The following CCDC158 variants were observed in gnomAD, a reference collection of about 807,000 sequenced individuals.
CCDC158 encodes the protein coiled-coil domain containing 158, also known as coiled-coil domain-containing protein 158.
A neutral mutation model predicts 138.6 loss-of-function variants in CCDC158; 116 were observed. The observed-to-expected ratio is 0.84, with a 90% CI of 0.72 to 0.98. The LOEUF (loss-of-function observed/expected upper bound fraction) is 0.98. CCDC158 is among the 50% of genes least tolerant of loss of function. The pLI is 0.00. For synonymous variants in CCDC158, 436 were observed against 442.4 expected (o/e 0.99, Z 0.18); for missense variants, 1,265 against 1,306.1 (o/e 0.97, Z 0.48).
chr4:76,348,339 G>T (rs910226179), intron 18 of CCDC158, among the ~76,000 whole-genome samples: 1 of 151,082 alleles, frequency 6.6e-6, no homozygotes, highest in African/African-American at 2.4e-5. Context: ...GGAGGCTGAG[G>T]CAGGAGAATG....
At chr4:76,328,805 G>T in intron 22 of CCDC158, 95 bp downstream of exon 22, 1 of 930,664 alleles carries the variant, frequency 1.1e-6, no homozygotes, top group Non-Finnish European at 1.8e-6. Context: ...GAGTTAAAAA[G>T]GACTTGGAAG....
intron 18 of CCDC158, chr4:76,344,973 C>T: frequency 6.7e-7 from 1 of 1,482,414 alleles, no homozygotes; most frequent in Non-Finnish European, 9.4e-7. Context: ...GTCCTTTTTA[C>T]TGGAGTTAGG....
intron 2 of CCDC158, among the ~76,000 whole-genome samples, chr4:76,404,791 G>A (rs72657835): frequency 0.065 from 9,853 of 152,140 alleles, 454 homozygotes; most frequent in Non-Finnish European, 0.097. Flanking sequence ...TAGAGATGCA[G>A]AAGCAGGAGG....
chr4:76,373,951 C>T (rs760802491), intron 9 of CCDC158, among the ~76,000 whole-genome samples: 4 of 151,670 alleles, frequency 2.6e-5, no homozygotes, highest in South Asian at 2.1e-4. Context: ...GCCAGGAGTT[C>T]GAGACCAGCC....
rs755582797 is a variant in CCDC158 at position 76,371,486 on chromosome 4, T to A, written c.1080A>T (p.Glu360Asp). The stretch of plus-strand genomic sequence containing the variant: ...TGAATTGATCACGCTCTGTCCGGGC[T>A]TCAGTTAGCTCTGAGTTGGCAAGGA... ...QLVLANSELT[E>D]ARTERDQFSQ... Residue 360 changes from glutamate (E) to aspartate (D), a missense_variant, in exon 10 of 25, where the codon GAA becomes GAT. Coordinates refer to ENST00000682701, the MANE Select transcript of CCDC158 (RefSeq NM_001394954.1). 3.3e-5 allele frequency: 54 copies of A among 1,614,182 alleles called. No homozygotes were observed. The highest frequency in any genetic ancestry group is 4.4e-5 in the Non-Finnish European group (52 of 1,180,000).
intron 24 of CCDC158, 27 bp downstream of exon 24, chr4:76,323,275 A>C: frequency 6.7e-7 from 1 of 1,491,088 alleles, no homozygotes; most frequent in Non-Finnish European, 9.3e-7. Context: ...TGAGCGAGGA[A>C]GATCTCTCCA....
chr4:76,353,207 C>G lies in CCDC158; in HGVS notation c.2361G>C (p.Lys787Asn). The G allele has an allele frequency of 6.2e-7, 1 of 1,613,802 alleles. No individual in the cohort carries two copies. The highest frequency in any genetic ancestry group is 1.3e-5 in the African/African-American group (1 of 75,038). ...GCAGAACTTCCAACTCCCCAGCCATCTTGTTTTTTTCTGTGGCAACAGTAC... is the reference window on the plus strand; with the variant it reads ...GCAGAACTTCCAACTCCCCAGCCATGTTGTTTTTTTCTGTGGCAACAGTAC... Reference protein sequence around the residue: ...ELSTVATEKNKMAGELEVLRS... With the variant: ...ELSTVATEKNNMAGELEVLRS... Residue 787 changes from lysine to asparagine, a missense_variant, in exon 16 of 25, where the codon AAG becomes AAC. Transcript: ENST00000682701.
rs997496343 is a variant in CCDC158, at chr4:76,375,457, T to C, written c.1029+3833A>G. The C allele has an allele frequency of 6.8e-6, 4 of 590,566 alleles. No individual in the cohort carries two copies. In the Admixed American group the frequency reaches 8.1e-5, roughly 12 times the overall value. 36.6% of individuals were successfully genotyped at this position (590,566 alleles called of 1,614,324 possible). Reference sequence around the variant, plus strand: ...CAGCATGGCGGTGCATTGGCAGAACTATGCAGAGGTTTGCACAGAATCTTC... The same window carrying C: ...CAGCATGGCGGTGCATTGGCAGAACCATGCAGAGGTTTGCACAGAATCTTC... On this transcript the variant is annotated intron_variant, in intron 9 of 24. Coordinates refer to ENST00000682701, the MANE Select transcript of CCDC158 (RefSeq NM_001394954.1).
At chr4:76,315,132 G>A (rs749803350) in intron 24 of CCDC158, among the ~76,000 whole-genome samples, 2 of 152,162 alleles carry the variant, frequency 1.3e-5, no homozygotes, top group African/African-American at 4.8e-5. Flanking sequence ...CTGTGTGGGA[G>A]CTAGGTAAGG....
intron 10 of CCDC158, among the ~76,000 whole-genome samples, chr4:76,370,070 G>T (rs1725091170): frequency 6.6e-6 from 1 of 152,124 alleles, no homozygotes; most frequent in South Asian, 2.1e-4. Flanking sequence ...TAGCATCTGG[G>T]CTGTGAATAG....
chr4:76,329,000 C>T, intron 21 of CCDC158, 33 bp from the exon 22 acceptor site: 2 of 1,541,184 alleles, frequency 1.3e-6, no homozygotes, highest in Non-Finnish European at 1.8e-6. Context: ...GCAAGCATTC[C>T]ATTTCACAAA....
intron 13 of CCDC158, among the ~76,000 whole-genome samples, chr4:76,361,371 G>C (rs567902879): frequency 6.6e-5 from 10 of 152,220 alleles, no homozygotes; most frequent in Admixed American, 4.6e-4. Context: ...GACCATCCTG[G>C]CTAACACAGT....
In CCDC158 at chr4:76,408,490, T is replaced by C. The variant is rs1298476417; in HGVS notation, c.-74+3600A>G. Among the ~76,000 whole-genome samples, 11 of 152,296 alleles carry C rather than the reference T, an allele frequency of 7.2e-5. No homozygotes were observed. In the South Asian group the frequency reaches 8.3e-4, roughly 11 times the overall value. ...CTGAGAATGATGGTTTCCAGCTTCATCCACGTCCCTACAAAGGGCATGAAC... is the reference window on the plus strand; with the variant it reads ...CTGAGAATGATGGTTTCCAGCTTCACCCACGTCCCTACAAAGGGCATGAAC... On this transcript the variant is annotated intron_variant, in intron 2 of 24. Transcript: ENST00000682701.
At chr4:76,327,737 A>C (rs531172809) in intron 22 of CCDC158, among the ~76,000 whole-genome samples, 1 of 152,284 alleles carries the variant, frequency 6.6e-6, no homozygotes, top group South Asian at 2.1e-4. Context: ...ACGAAGAAAA[A>C]CAATGAAAAT....
chr4:76,395,531 G>A (rs1727701797), intron 4 of CCDC158, among the ~76,000 whole-genome samples: 1 of 152,142 alleles, frequency 6.6e-6, no homozygotes, highest in Admixed American at 6.6e-5. Flanking sequence ...GCTGAGTCTT[G>A]GTGCATAATA....
chr4:76,392,910 A>G (rs1334406420), intron 4 of CCDC158, among the ~76,000 whole-genome samples: 1 of 143,408 alleles, frequency 7.0e-6, no homozygotes, highest in African/African-American at 3.0e-5. Context: ...AAAATGAAAT[A>G]CTAGGAATTA....
chr4:76,345,217 G>A, intron 18 of CCDC158: 1 of 939,894 alleles, frequency 1.1e-6, no homozygotes, highest in Non-Finnish European at 1.8e-6. Flanking sequence ...AAAGTAGAGG[G>A]TCAAGTTTCA....
At chr4:76,385,971 T>C (rs150361261) in intron 4 of CCDC158, among the ~76,000 whole-genome samples, 108 of 152,296 alleles carry the variant, frequency 7.1e-4, no homozygotes, top group African/African-American at 2.5e-3. Context: ...CTTCAAAAGA[T>C]TGAGAGAAAT....
chr4:76,395,812 A>G (rs950752231), intron 4 of CCDC158, among the ~76,000 whole-genome samples: 1 of 152,312 alleles, frequency 6.6e-6, no homozygotes, highest in South Asian at 2.1e-4. Context: ...GATTCTACGT[A>G]ATGTCCACTT....
Sources: gnomAD v4.1 joint callset for allele counts (sites outside exome capture counted in the v4.1 genomes callset) on GRCh38, gnomAD v4.1.1 for gene constraint, MANE v1.5 for transcripts, NCBI Gene and HGNC (gene_info 2026-07-23, HGNC 2026-07-21) for gene names.